SRD5A1: variants seen among roughly 807,000 people sequenced by gnomAD.
The protein encoded by SRD5A1 is steroid 5 alpha-reductase 1.
A neutral mutation model predicts 28.2 loss-of-function variants in SRD5A1; 22 were observed. The observed-to-expected ratio is 0.78, with a 90% confidence interval of 0.56 to 1.12. The LOEUF is 1.12. Ranked by LOEUF, SRD5A1 falls within the 50% of genes most tolerant of loss-of-function variation. SRD5A1 has a pLI of 0.00. For synonymous variants in SRD5A1, 151 were observed against 135.0 expected (o/e 1.12, Z -0.82); for missense variants, 300 against 346.7 (o/e 0.87, Z 1.07).
intron 1 of SRD5A1, among the ~76,000 whole-genome samples, chr5:6,642,069 A>G (rs1256426909): frequency 6.6e-6 from 1 of 152,250 alleles, no homozygotes; most frequent in Non-Finnish European, 1.5e-5. Context: ...TCAGTGGTAA[A>G]TTCAAAATAT....
At chr5:6,661,239 T>TA (rs973468551) in intron 3 of SRD5A1, among the ~76,000 whole-genome samples, 20 of 152,072 alleles carry the variant, frequency 1.3e-4, no homozygotes, top group African/African-American at 3.4e-4. Flanking sequence ...TCTTTCTTTT[T>TA]AAAAAAATAG....
At chr5:6,666,293 G>A (rs962865477) in intron 4 of SRD5A1, among the ~76,000 whole-genome samples, 3 of 152,024 alleles carry the variant, frequency 2.0e-5, no homozygotes, top group African/African-American at 7.3e-5. Flanking sequence ...GACTACAGGT[G>A]CCCGCCACCA....
intron 1 of SRD5A1, among the ~76,000 whole-genome samples, chr5:6,651,578 TA>T (rs1483650658): frequency 6.6e-6 from 1 of 152,132 alleles, no homozygotes; most frequent in Non-Finnish European, 1.5e-5. Flanking sequence ...GAAGATCGCT[TA>T]AGCCCTGGAG....
chr5:6,635,246 A>G (rs1738146245), intron 1 of SRD5A1, among the ~76,000 whole-genome samples: 1 of 152,154 alleles, frequency 6.6e-6, no homozygotes, highest in African/African-American at 2.4e-5. Flanking sequence ...ACTTTAAACA[A>G]GGGCAAGTCA....
rs1739323960 is a variant in SRD5A1, at chr5:6,670,405, C to T, written c.*2137C>T. 1 of 152,342 alleles carries T rather than the reference C, an allele frequency of 6.6e-6. No individual in the cohort carries two copies. The highest frequency in any genetic ancestry group is 6.5e-5 in the Admixed American group (1 of 15,290). 9.4% of individuals were successfully genotyped at this position (152,342 alleles called of 1,614,324 possible). A position where few individuals can be genotyped will look rare whatever the true frequency, so the allele number is the denominator to read the frequency against. On this transcript the variant is annotated 3_prime_UTR_variant, in exon 5 of 5. Coordinates refer to ENST00000274192, the MANE Select transcript of SRD5A1 (RefSeq NM_001047.4). ...TGGAACCCAAAAGCCCATTTCTCTC[C>T]TTCCGTCCAGACCCTGTCTGCTGTT...
At chr5:6,654,511 G>A (rs1280278483) in intron 2 of SRD5A1, among the ~76,000 whole-genome samples, 1 of 152,170 alleles carries the variant, frequency 6.6e-6, no homozygotes, top group Admixed American at 6.5e-5. Context: ...TTGGCTCATG[G>A]CAACGTGTGC....
intron 1 of SRD5A1, among the ~76,000 whole-genome samples, chr5:6,641,437 T>C (rs1455459786): frequency 2.6e-5 from 4 of 152,196 alleles, no homozygotes; most frequent in African/African-American, 9.6e-5. Flanking sequence ...GAGCGCTTCC[T>C]TGGAGCGGAG....
intron 3 of SRD5A1, among the ~76,000 whole-genome samples, chr5:6,657,203 C>A (rs575243053): frequency 6.6e-6 from 1 of 152,348 alleles, no homozygotes; most frequent in East Asian, 1.9e-4. Flanking sequence ...ATTACTTAAA[C>A]TGTGACCCTG....
rs768444996 is a variant in SRD5A1 at position 6,651,895 on chromosome 5, C to T, written c.347C>T (p.Ala116Val). ...MRGGKPMPLL[A>V]CTMAIMFCTC... ...GGAGGAAAGCCTATGCCACTGTTGG[C>T]GTGTACAATGGCGATTATGTTCTGT... The change falls in exon 2 of 5, where the codon GCG (alanine) becomes GTG (valine). Residue 116 changes from alanine (A) to valine (V), a missense_variant. Physicochemically the swap from Ala to Val is moderately conservative, Grantham distance 64. Transcript: ENST00000274192. The T allele has an allele frequency of 6.8e-6, 11 of 1,613,526 alleles. No homozygotes were observed. The highest frequency in any genetic ancestry group is 9.3e-6 in the Non-Finnish European group (11 of 1,179,864).
intron 1 of SRD5A1, 47 bp downstream of exon 1, chr5:6,633,916 T>C (rs755501763): frequency 6.3e-7 from 1 of 1,584,588 alleles, no homozygotes; most frequent in East Asian, 2.3e-5. Context: ...CGGCCCGGCG[T>C]CCTCTCCGAC....
In SRD5A1 at chr5:6,656,124, T is replaced by C. The variant is rs1738826318; in HGVS notation, c.507T>C (p.Asp169=). 2 of 1,613,968 alleles carry C rather than the reference T, an allele frequency of 1.2e-6. No individual in the cohort carries two copies. The highest frequency in any genetic ancestry group is 2.2e-5 in the South Asian group (2 of 91,088). The change falls in exon 3 of 5, where the codon GAT becomes GAC. Residue 169 remains aspartate (D), a synonymous_variant. Coordinates refer to ENST00000274192, the MANE Select transcript of SRD5A1 (RefSeq NM_001047.4). ...GCATGTTGATAAACATCCATTCAGA[T>C]CATATCCTAAGGAATCTCAGAAAAC... The part of the protein sequence containing the change: ...LTGMLINIHS[D]HILRNLRKPG...
intron 1 of SRD5A1, among the ~76,000 whole-genome samples, chr5:6,640,714 CA>C (rs1052208267): frequency 2.0e-5 from 3 of 152,122 alleles, no homozygotes. Context: ...TATAACATGA[CA>C]GAGAACAAAG....
At chr5:6,661,501 T>C (rs1210826160) in intron 3 of SRD5A1, among the ~76,000 whole-genome samples, 4 of 151,108 alleles carry the variant, frequency 2.6e-5, no homozygotes, top group Non-Finnish European at 5.9e-5. Context: ...CTGAAATTGG[T>C]CTTATGACTT....
At chr5:6,664,882 CAG>C (rs8192232) in intron 4 of SRD5A1, among the ~76,000 whole-genome samples, 2,649 of 152,348 alleles carry the variant, frequency 0.017, 36 homozygotes, top group Non-Finnish European at 0.027. Flanking sequence ...CTGAGAAAAA[CAG>C]AGGGGTCTGC....
chr5:6,645,743 A>G (rs890941292), intron 1 of SRD5A1, among the ~76,000 whole-genome samples: 2 of 152,158 alleles, frequency 1.3e-5, no homozygotes, highest in African/African-American at 4.8e-5. Context: ...ATTCCTCTAA[A>G]AAACTCCCTT....
chr5:6,651,427 G>T (rs769906372), intron 1 of SRD5A1, among the ~76,000 whole-genome samples: 2 of 152,172 alleles, frequency 1.3e-5, no homozygotes, highest in Admixed American at 1.3e-4. Flanking sequence ...GGACAACAAG[G>T]CAGGAAGATC....
chr5:6,640,920 G>A (rs933389576), intron 1 of SRD5A1, among the ~76,000 whole-genome samples: 12 of 152,214 alleles, frequency 7.9e-5, no homozygotes, highest in African/African-American at 2.7e-4. Context: ...TTAAGGGACT[G>A]TCACCTTCTT....
chr5:6,656,875 C>A (rs561463311), intron 3 of SRD5A1, among the ~76,000 whole-genome samples: 2 of 152,094 alleles, frequency 1.3e-5, no homozygotes, highest in Non-Finnish European at 2.9e-5. Flanking sequence ...AGGTACAGAA[C>A]CCACAAGGAA....
intron 1 of SRD5A1, among the ~76,000 whole-genome samples, chr5:6,645,611 C>G (rs1045087131): frequency 2.0e-5 from 3 of 150,868 alleles, no homozygotes; most frequent in Non-Finnish European, 4.4e-5. Context: ...TGCACTCCAG[C>G]CTGGACCACA....
Sources: gnomAD v4.1 joint callset for allele counts (sites outside exome capture counted in the v4.1 genomes callset) on GRCh38, gnomAD v4.1.1 for gene constraint, MANE v1.5 for transcripts, NCBI Gene and HGNC (gene_info 2026-07-23, HGNC 2026-07-21) for gene names.